The following C1orf94 variants were observed in gnomAD, a reference collection of about 807,000 sequenced individuals.
The protein encoded by C1orf94 is chromosome 1 open reading frame 94.
In C1orf94, 45 loss-of-function variants were observed where a neutral mutation model predicts 53.6. The ratio of observed to expected loss-of-function variants is 0.84; its 90% CI spans 0.66 to 1.08. C1orf94 has a LOEUF of 1.08. Ranked by LOEUF, C1orf94 falls within the 50% of genes least tolerant of loss-of-function variation. C1orf94 has a pLI of 0.00. For missense variants in C1orf94, 762 were observed against 738.9 expected (o/e 1.03, Z -0.36); for synonymous variants, 304 against 296.1 (o/e 1.03, Z -0.27).
chr1:34,212,305 T>A lies in C1orf94; in HGVS notation c.1620T>A (p.Tyr540Ter). The change falls in exon 6 of 7, where the codon TAT (tyrosine) becomes TAA (stop). Residue 540 changes from tyrosine to a stop codon, truncating the protein, a stop_gained. Transcript: ENST00000488417. LOFTEE classifies it high-confidence loss of function. ...ACATCCCTTTTGTCCAGCCCAATTA[T>A]CCCTACCCTCAGAGGACACCTCCAA... ...LSYIPFVQPNYPYPQRTPPKM... is the reference protein window; with the variant it reads ...LSYIPFVQPN The A allele has an allele frequency of 6.2e-7, 1 of 1,613,876 alleles. No individual in the cohort carries two copies. The highest frequency in any genetic ancestry group is 8.5e-7 in the Non-Finnish European group (1 of 1,179,966).
At chr1:34,215,885 A>T (rs1642979733) in intron 6 of C1orf94, among the ~76,000 whole-genome samples, 1 of 152,176 alleles carries the variant, frequency 6.6e-6, no homozygotes, top group Admixed American at 6.5e-5. Flanking sequence ...GGGTGCCTAT[A>T]ATCCCAGCTA....
chr1:34,188,714 C>A (rs537056462), intron 1 of C1orf94, among the ~76,000 whole-genome samples: 3 of 152,282 alleles, frequency 2.0e-5, no homozygotes, highest in South Asian at 4.1e-4. Context: ...ATCCTCACTG[C>A]GGCCCGGAGG....
chr1:34,212,186 C>A (rs764250198), intron 5 of C1orf94, 24 bp from the exon 6 acceptor site: 79 of 1,581,016 alleles, frequency 5.0e-5, no homozygotes, highest in Non-Finnish European at 6.4e-5. Context: ...GTGACCTCAC[C>A]CCTCTCTTCT....
At chr1:34,167,486 A>G (rs1376109299) in intron 1 of C1orf94, among the ~76,000 whole-genome samples, 1 of 152,156 alleles carries the variant, frequency 6.6e-6, no homozygotes, top group Admixed American at 6.5e-5. Flanking sequence ...AGCGTTTGTC[A>G]TCCTTCTCCC....
intron 3 of C1orf94, 53 bp downstream of exon 3, chr1:34,201,085 T>C: frequency 6.5e-7 from 1 of 1,542,446 alleles, no homozygotes; most frequent in Non-Finnish European, 8.8e-7. Context: ...GCAGTGACCC[T>C]CACAGGCTTC....
intron 1 of C1orf94, among the ~76,000 whole-genome samples, chr1:34,190,884 A>G (rs1642470679): frequency 6.6e-6 from 1 of 152,174 alleles, no homozygotes; most frequent in African/African-American, 2.4e-5. Context: ...ACTGTGACTC[A>G]TTTAGCTCTC....
intron 1 of C1orf94, among the ~76,000 whole-genome samples, chr1:34,194,427 G>A (rs911726916): frequency 8.5e-5 from 13 of 152,280 alleles, no homozygotes; most frequent in African/African-American, 2.9e-4. Flanking sequence ...CCCAGGTGCT[G>A]AGAAGGGACC....
At chr1:34,171,295 C>A (rs1216485189) in intron 1 of C1orf94, among the ~76,000 whole-genome samples, 1 of 152,206 alleles carries the variant, frequency 6.6e-6, no homozygotes, top group Admixed American at 6.5e-5. Flanking sequence ...GTTCTCTCTG[C>A]CTAGAAAGCT....
At chr1:34,212,939 T>C (rs1642920230) in intron 6 of C1orf94, among the ~76,000 whole-genome samples, 1 of 152,172 alleles carries the variant, frequency 6.6e-6, no homozygotes, top group South Asian at 2.1e-4. Context: ...AGCTCCTACT[T>C]CCTGGGACAG....
At position 34,201,006 on chromosome 1, in the gene C1orf94, T is replaced by A; in HGVS notation, c.1244T>A (p.Val415Glu). The A allele has an allele frequency of 6.2e-7, 1 of 1,601,798 alleles. No individual in the cohort carries two copies. Among genetic ancestry groups the A allele is most frequent in the East Asian group, 2.3e-5 (1 of 44,272 alleles). The part of the protein sequence containing the change: ...PSGQPRLRNK[V>E]EVDGPELKFN... ...GGGCAGCCGAGACTTCGAAACAAAGTGGAAGTGGATGGGCCGGAGCTGAAA... is the reference window on the plus strand; with the variant it reads ...GGGCAGCCGAGACTTCGAAACAAAGAGGAAGTGGATGGGCCGGAGCTGAAA... The change falls in exon 3 of 7, where the codon GTG (valine) becomes GAG (glutamate). Residue 415 changes from valine to glutamate, a missense_variant. Val to Glu is a moderately radical substitution (Grantham distance 121). Transcript: ENST00000488417.
At chr1:34,201,960 T>C in intron 3 of C1orf94, 124 bp from the exon 4 acceptor site, 3 of 897,000 alleles carry the variant, frequency 3.3e-6, no homozygotes, top group Non-Finnish European at 5.1e-6. Context: ...TGAAGAACCC[T>C]CTTGGAGCTT....
At chr1:34,170,280 A>G (rs376676577) in intron 1 of C1orf94, among the ~76,000 whole-genome samples, 4 of 152,178 alleles carry the variant, frequency 2.6e-5, no homozygotes, top group Admixed American at 1.3e-4. Context: ...AGACATTCCC[A>G]TGGCCCCTGT....
intron 1 of C1orf94, among the ~76,000 whole-genome samples, chr1:34,189,514 G>C (rs1267707219): frequency 6.6e-6 from 1 of 152,220 alleles, no homozygotes; most frequent in Non-Finnish European, 1.5e-5. Flanking sequence ...GCCACACTGG[G>C]TGCTGTGACA....
chr1:34,215,198 T>G (rs933996426), intron 6 of C1orf94, among the ~76,000 whole-genome samples: 1 of 151,988 alleles, frequency 6.6e-6, no homozygotes, highest in African/African-American at 2.4e-5. Context: ...ACACATACAT[T>G]TCGGGGATGA....
upstream of C1orf94, among the ~76,000 whole-genome samples, chr1:34,173,554 GA>G (rs1451038470): frequency 4.6e-5 from 7 of 152,252 alleles, no homozygotes; most frequent in East Asian, 1.4e-3. Context: ...GTTCCACAGA[GA>G]AAAGCTAAGA....
chr1:34,175,256 G>T (rs895317642), upstream of C1orf94, among the ~76,000 whole-genome samples: 7 of 151,512 alleles, frequency 4.6e-5, no homozygotes, highest in African/African-American at 1.7e-4. Context: ...TCCTGCTGAG[G>T]GGGAGAGGGA....
chr1:34,189,016 G>C (rs1642435070), intron 1 of C1orf94, among the ~76,000 whole-genome samples: 1 of 152,116 alleles, frequency 6.6e-6, no homozygotes, highest in South Asian at 2.1e-4. Context: ...AAGCAGGAAG[G>C]CTACGGTGGT....
At chr1:34,171,445 G>GA (rs1375086152) in intron 1 of C1orf94, among the ~76,000 whole-genome samples, 1 of 148,146 alleles carries the variant, frequency 6.8e-6, no homozygotes, top group Non-Finnish European at 1.5e-5. Flanking sequence ...TTTGCTGGAT[G>GA]AATGGATAAA....
At chr1:34,172,680 T>C (rs2148608624), upstream of C1orf94, among the ~76,000 whole-genome samples, 1 of 152,320 alleles carries the variant, frequency 6.6e-6, no homozygotes, top group Middle Eastern at 3.4e-3. Flanking sequence ...CCGATGGTGT[T>C]GCCAGGAGAG....
Sources: gnomAD v4.1 joint callset for allele counts (sites outside exome capture counted in the v4.1 genomes callset) on GRCh38, gnomAD v4.1.1 for gene constraint, MANE v1.5 for transcripts, NCBI Gene and HGNC (gene_info 2026-07-23, HGNC 2026-07-21) for gene names.